VAT1L: variants seen among roughly 807,000 people sequenced by gnomAD.
VAT1L encodes putative NADPH-dependent quinone oxidoreductase VAT1L.
VAT1L carries 34 observed loss-of-function variants against 44.1 expected under a neutral mutation model. The ratio of observed to expected loss-of-function variants is 0.77; its 90% CI spans 0.59 to 1.03. The LOEUF (loss-of-function observed/expected upper bound fraction) is 1.03. Ranked by LOEUF, VAT1L falls within the 50% of genes least tolerant of loss-of-function variation. VAT1L has a pLI of 0.00. For synonymous variants in VAT1L, 253 were observed against 202.2 expected (o/e 1.25, Z -2.13); for missense variants, 615 against 538.8 (o/e 1.14, Z -1.40).
chr16:77,861,312 C>T (rs1177398042), intron 3 of VAT1L, among the ~76,000 whole-genome samples: 1 of 152,174 alleles, frequency 6.6e-6, no homozygotes, highest in Non-Finnish European at 1.5e-5. Flanking sequence ...ACCTTAGTTA[C>T]CAGAAAACTG....
rs373131655 is a variant in VAT1L at position 77,946,709 on chromosome 16, T to C, written c.1078-25141T>C. ...TCACTCTGGGAAGATGTGACTTCAA[T>C]TGATTCTTAGAATTGCCACCTACCT... On this transcript the variant is annotated intron_variant, in intron 7 of 8. Transcript: ENST00000302536. 1.5e-3 allele frequency among the ~76,000 whole-genome samples: 223 copies of C among 152,370 alleles called. 2 individuals carry two copies. The highest frequency in any genetic ancestry group is 3.3e-3 in the South Asian group (16 of 4,832).
chr16:77,886,321 G>T (rs1460202168), intron 7 of VAT1L, among the ~76,000 whole-genome samples: 1 of 152,094 alleles, frequency 6.6e-6, no homozygotes, highest in East Asian at 1.9e-4. Flanking sequence ...TGGGCTACCT[G>T]GTTACTGGGT....
intron 1 of VAT1L, among the ~76,000 whole-genome samples, chr16:77,815,181 T>A (rs988862810): frequency 1.3e-5 from 2 of 152,254 alleles, no homozygotes; most frequent in African/African-American, 4.8e-5. Flanking sequence ...ATGACCTGGA[T>A]AACCACTAAT....
chr16:77,898,891 C>T (rs547827729), intron 7 of VAT1L, among the ~76,000 whole-genome samples: 2 of 152,350 alleles, frequency 1.3e-5, no homozygotes, highest in African/African-American at 4.8e-5. Context: ...TTGCATTCCT[C>T]TAACCCTCCA....
rs1469870977 is a variant in VAT1L, at chr16:77,879,012, G to A, written c.827-157G>A. Among the ~76,000 whole-genome samples, 1 of 152,166 alleles carries A rather than the reference G, an allele frequency of 6.6e-6. No individual in the cohort carries two copies. Among genetic ancestry groups the A allele is most frequent in the Non-Finnish European group, 1.5e-5 (1 of 68,030 alleles). ...AGTCAGCTAACATAGTCAACTTTAT[G>A]CCTCATTCTCATTCCCCTCACTTTG... is the stretch of plus-strand genomic sequence containing the variant. On this transcript the variant is annotated intron_variant, in intron 5 of 8. Transcript: ENST00000302536. This position sits in a 1 kb window ranked among gnomAD's most constrained non-coding sequence, Gnocchi z 4.1.
chr16:77,941,301 T>G (rs936463778), intron 7 of VAT1L, among the ~76,000 whole-genome samples: 1 of 152,156 alleles, frequency 6.6e-6, no homozygotes, highest in Non-Finnish European at 1.5e-5. Context: ...ACTCTCTACC[T>G]TTAGAATCTC....
intron 7 of VAT1L, among the ~76,000 whole-genome samples, chr16:77,910,220 G>C (rs1447560866): frequency 1.3e-5 from 2 of 152,314 alleles, no homozygotes; most frequent in Admixed American, 6.5e-5. Flanking sequence ...TTTGAGGAAA[G>C]AGAAAATGAA....
chr16:77,816,930 C>T lies in VAT1L; in HGVS notation c.243C>T (p.Asn81=), dbSNP rs773681882. The T allele has an allele frequency of 6.2e-7, 1 of 1,613,244 alleles. No homozygotes were observed. The highest frequency in any genetic ancestry group is 2.2e-5 in the East Asian group (1 of 44,858). The stretch of plus-strand genomic sequence containing the variant: ...CATTTGCTCTTTACAGTGGATTAAA[C>T]TTCATTGACTTGATGGTGCGACAAG... ...LKIRVKACGL[N]FIDLMVRQGN... The change falls in exon 2 of 9, where the codon AAC becomes AAT. Residue 81 remains asparagine (N), a synonymous_variant. Coordinates refer to ENST00000302536, the MANE Select transcript of VAT1L (RefSeq NM_020927.3).
intron 7 of VAT1L, among the ~76,000 whole-genome samples, chr16:77,891,137 G>A (rs1288692186): frequency 1.3e-5 from 2 of 151,666 alleles, no homozygotes; most frequent in African/African-American, 2.4e-5. Flanking sequence ...GGCGGATCAC[G>A]AGGTGAGGAG....
intron 3 of VAT1L, among the ~76,000 whole-genome samples, chr16:77,851,677 G>A (rs989089139): frequency 6.6e-6 from 1 of 151,972 alleles, no homozygotes; most frequent in East Asian, 1.9e-4. Flanking sequence ...AAGAGAGAGA[G>A]AGAGCAGGGC....
chr16:77,865,205 C>T (rs1429048099), intron 4 of VAT1L, among the ~76,000 whole-genome samples: 2 of 152,118 alleles, frequency 1.3e-5, no homozygotes, highest in East Asian at 3.9e-4. Context: ...GATCTCCTGA[C>T]CTCGTGATGC....
chr16:77,945,261 A>G (rs1029219742), intron 7 of VAT1L, among the ~76,000 whole-genome samples: 2 of 131,654 alleles, frequency 1.5e-5, no homozygotes, highest in Admixed American at 1.6e-4. Flanking sequence ...TGGAATGGCC[A>G]ATTCCAGATT....
intron 3 of VAT1L, 144 bp downstream of exon 3, chr16:77,825,605 C>T (rs1350818298): frequency 1.3e-5 from 13 of 974,362 alleles, no homozygotes; most frequent in Non-Finnish European, 1.7e-5. Context: ...ACAGCAAAGC[C>T]CATATAGATG....
intron 7 of VAT1L, among the ~76,000 whole-genome samples, chr16:77,938,306 G>A (rs1488316127): frequency 1.3e-5 from 2 of 152,178 alleles, no homozygotes; most frequent in African/African-American, 2.4e-5. Context: ...CTATTTAGCT[G>A]TCTGTGTTGT....
intron 1 of VAT1L, among the ~76,000 whole-genome samples, chr16:77,799,592 C>T (rs999954538): frequency 6.7e-6 from 1 of 150,262 alleles, no homozygotes; most frequent in Non-Finnish European, 1.5e-5. Flanking sequence ...GGTAAATACT[C>T]CAAAAGGAAT....
chr16:77,824,023 C>A (rs1225682342), intron 2 of VAT1L, among the ~76,000 whole-genome samples: 2 of 151,556 alleles, frequency 1.3e-5, no homozygotes, highest in Non-Finnish European at 2.9e-5. Flanking sequence ...AACTCCATCT[C>A]AGAAAAAAAA....
At chr16:77,977,567 C>G (rs1208518818) in intron 8 of VAT1L, 30 bp from the exon 9 acceptor site, 1 of 1,609,634 alleles carries the variant, frequency 6.2e-7, no homozygotes. Context: ...GGTTGCACAA[C>G]CCTCAATAAC....
chr16:77,934,834 C>T (rs2017773460), intron 7 of VAT1L, among the ~76,000 whole-genome samples: 1 of 152,032 alleles, frequency 6.6e-6, no homozygotes, highest in Non-Finnish European at 1.5e-5. Context: ...CAATTTGTGC[C>T]AGGTCTTATA....
intron 7 of VAT1L, among the ~76,000 whole-genome samples, chr16:77,897,082 T>A (rs188088215): frequency 6.6e-6 from 1 of 152,232 alleles, no homozygotes. Context: ...TGTACTGATA[T>A]GTTAATCACA....
Sources: gnomAD v4.1 joint callset for allele counts (sites outside exome capture counted in the v4.1 genomes callset) on GRCh38, gnomAD v4.1.1 for gene constraint, Gnocchi (gnomAD v3.1) non-coding constraint, MANE v1.5 for transcripts, NCBI Gene and HGNC (gene_info 2026-07-23, HGNC 2026-07-21) for gene names.